The following PPP1R13B variants were observed in gnomAD, a reference collection of about 807,000 sequenced individuals.
The protein encoded by PPP1R13B is apoptosis-stimulating of p53 protein 1.
In PPP1R13B, 44 loss-of-function variants were observed where a neutral mutation model predicts 119.8. The ratio of observed to expected loss-of-function variants is 0.37; its 90% CI spans 0.29 to 0.47. The LOEUF (loss-of-function observed/expected upper bound fraction) is 0.47, where lower values mean the gene tolerates loss of function less well. Among genes scored for constraint, PPP1R13B ranks in the 20% least tolerant of loss-of-function variants. The pLI is 0.99. For synonymous variants in PPP1R13B, 542 were observed against 561.5 expected (o/e 0.97, Z 0.49); for missense variants, 1,227 against 1,413.5 (o/e 0.87, Z 2.12).
chr14:103,757,558 C>T lies in PPP1R13B; in HGVS notation c.456+92G>A, dbSNP rs2084707693. Reference sequence around the variant, plus strand: ...CTATGGCATGGTCCTATTTTATAAGCGTTACCCAAGAATATATTAACCCCA... The same window carrying T: ...CTATGGCATGGTCCTATTTTATAAGTGTTACCCAAGAATATATTAACCCCA... On this transcript the variant is annotated intron_variant, in intron 5 of 16. Coordinates refer to ENST00000202556, the MANE Select transcript of PPP1R13B (RefSeq NM_015316.3). The T allele has an allele frequency of 3.4e-6, 4 of 1,161,320 alleles. No homozygotes were observed. In the South Asian group the frequency reaches 4.1e-5, roughly 12 times the overall value. The allele number at this position is 1,161,320 out of a possible 1,614,324, so 71.9% of individuals were successfully genotyped here. A position where few individuals can be genotyped will look rare whatever the true frequency, so the allele number is the denominator to read the frequency against.
chr14:103,814,671 C>T (rs748003043), intron 1 of PPP1R13B, among the ~76,000 whole-genome samples: 3 of 152,070 alleles, frequency 2.0e-5, no homozygotes, highest in African/African-American at 4.8e-5. Flanking sequence ...GGCGGCGGGG[C>T]GCGGTGGCTC....
At chr14:103,806,365 G>A (rs2086018193) in intron 1 of PPP1R13B, among the ~76,000 whole-genome samples, 1 of 151,940 alleles carries the variant, frequency 6.6e-6, no homozygotes, top group Admixed American at 6.6e-5. Context: ...AGGAGCTCAG[G>A]GATAACAAAA....
intron 1 of PPP1R13B, among the ~76,000 whole-genome samples, chr14:103,815,638 C>T (rs1156910686): frequency 2.0e-5 from 3 of 151,972 alleles, no homozygotes; most frequent in South Asian, 4.1e-4. Flanking sequence ...GCCTGTAATC[C>T]CAGCTACTCA....
In PPP1R13B at chr14:103,847,430, G is replaced by A; in HGVS notation, c.-123C>T. On this transcript the variant is annotated 5_prime_UTR_variant, in exon 1 of 17. Coordinates refer to ENST00000202556, the MANE Select transcript of PPP1R13B (RefSeq NM_015316.3). ...CGCCGCCGTGCTCTCCGGCCCGGCC[G>A]CGGCGAGGCGGCAGCTGCGGCGGGC... 1 of 1,015,712 alleles carries A rather than the reference G, an allele frequency of 9.8e-7. No individual in the cohort carries two copies. The highest frequency in any genetic ancestry group is 1.2e-6 in the Non-Finnish European group (1 of 851,162). 62.9% of individuals were successfully genotyped at this position (1,015,712 alleles called of 1,614,324 possible).
chr14:103,780,485 C>CAAAAAA (rs34274916), intron 3 of PPP1R13B, among the ~76,000 whole-genome samples: 11 of 36,212 alleles, frequency 3.0e-4, no homozygotes, highest in African/African-American at 1.3e-3. Flanking sequence ...AACCCTGTCT[C>CAAAAAA]AAAAAAAAAA....
In PPP1R13B at chr14:103,816,424, C is replaced by T. The variant is rs139507726; in HGVS notation, c.10-18906G>A. ...GTTTCCGGCCAGGCACAGTGGCTCA[C>T]GCCTGTAATCCCAGCACTTTGGGAG... On this transcript the variant is annotated intron_variant, in intron 1 of 16. Coordinates refer to ENST00000202556, the MANE Select transcript of PPP1R13B (RefSeq NM_015316.3). Among the ~76,000 whole-genome samples the T allele has an allele frequency of 8.7e-4, 132 of 151,244 alleles. 3 individuals carry two copies. In the East Asian group the frequency reaches 0.021, roughly 24 times the overall value.
Position 103,775,518 on chromosome 14 carries a change from G to A in PPP1R13B, c.354+3227C>T, listed in dbSNP as rs543291262. Among the ~76,000 whole-genome samples, 7 of 152,208 alleles carry A rather than the reference G, an allele frequency of 4.6e-5. No homozygotes were observed. In the South Asian group the frequency reaches 8.3e-4, roughly 18 times the overall value. ...TAGAACTCCTGACCTCAGGTGATCC[G>A]CCTACCTTGGCCTCCCAAAGTGCTG... On this transcript the variant is annotated intron_variant, in intron 4 of 16. Transcript: ENST00000202556.
chr14:103,810,935 A>G (rs2086138487), intron 1 of PPP1R13B, among the ~76,000 whole-genome samples: 1 of 151,048 alleles, frequency 6.6e-6, no homozygotes, highest in African/African-American at 2.4e-5. Flanking sequence ...CTAAAAAAAA[A>G]AAAAAAATTA....
At chr14:103,799,785 C>A (rs1386556671) in intron 1 of PPP1R13B, among the ~76,000 whole-genome samples, 1 of 151,970 alleles carries the variant, frequency 6.6e-6, no homozygotes, top group South Asian at 2.1e-4. Context: ...TGGTGGCTCA[C>A]ATCTATAATC....
At chr14:103,792,833 G>T (rs530049418) in intron 2 of PPP1R13B, among the ~76,000 whole-genome samples, 83 of 152,180 alleles carry the variant, frequency 5.5e-4, no homozygotes, top group Non-Finnish European at 8.8e-4. Context: ...CACTTTGGGA[G>T]GCCGAGGCAG....
chr14:103,835,749 C>G (rs2152082025), intron 1 of PPP1R13B, among the ~76,000 whole-genome samples: 1 of 151,854 alleles, frequency 6.6e-6, no homozygotes, highest in South Asian at 2.1e-4. Flanking sequence ...GCTGGGATTA[C>G]AGGCGCCCGC....
intron 1 of PPP1R13B, among the ~76,000 whole-genome samples, chr14:103,841,315 C>T (rs899518251): frequency 6.6e-5 from 10 of 151,876 alleles, no homozygotes; most frequent in African/African-American, 1.2e-4. Context: ...AGGCTGGGCG[C>T]GGTGGCTCAA....
intron 1 of PPP1R13B, chr14:103,840,191 C>T (rs1176055342): frequency 6.6e-6 from 1 of 152,142 alleles, no homozygotes; most frequent in Non-Finnish European, 1.5e-5. Flanking sequence ...TCTGTTTAGC[C>T]CTAGAACCAC....
At chr14:103,739,055 AGGT>A in intron 12 of PPP1R13B, 32 bp from the exon 13 acceptor site, 1 of 1,597,422 alleles carries the variant, frequency 6.3e-7, no homozygotes, top group Non-Finnish European at 8.5e-7. Context: ...TTCCAGTTAA[AGGT>A]GGTCCACTGA....
chr14:103,797,457 G>A lies in PPP1R13B; in HGVS notation c.71C>T (p.Pro24Leu), dbSNP rs376467189. 6.2e-6 allele frequency: 10 copies of A among 1,613,550 alleles called. No individual in the cohort carries two copies. Among genetic ancestry groups the A allele is most frequent in the Middle Eastern group, 1.6e-4 (1 of 6,082 alleles). Reference sequence around the variant, plus strand: ...TACAACATCTCGACAGGTTGTTTCCGGTGTTATAGGAACTTCTGTTAAAAT... The same window carrying A: ...TACAACATCTCGACAGGTTGTTTCCAGTGTTATAGGAACTTCTGTTAAAAT... ...EQILTEVPIT[P>L]ETTCRDVVEF... Residue 24 changes from proline (P) to leucine (L), a missense_variant, in exon 2 of 17, where the codon CCG becomes CTG. Coordinates refer to ENST00000202556, the MANE Select transcript of PPP1R13B (RefSeq NM_015316.3).
In PPP1R13B at chr14:103,734,252, G is replaced by T; in HGVS notation, c.*902C>A. 1 of 288,802 alleles carries T rather than the reference G, an allele frequency of 3.5e-6. No homozygotes were observed. The highest frequency in any genetic ancestry group is 7.0e-6 in the Non-Finnish European group (1 of 142,890). 17.9% of individuals were successfully genotyped at this position (288,802 alleles called of 1,614,324 possible). ...GTGGCGGCCCCTCCTGACACCAGGCGTCTGCCATCCTTCAGGCACCAAACA... is the reference window on the plus strand; with the variant it reads ...GTGGCGGCCCCTCCTGACACCAGGCTTCTGCCATCCTTCAGGCACCAAACA... On this transcript the variant is annotated 3_prime_UTR_variant, in exon 17 of 17. Transcript: ENST00000202556.
At chr14:103,780,365 C>T (rs1470378083) in intron 3 of PPP1R13B, among the ~76,000 whole-genome samples, 1 of 150,248 alleles carries the variant, frequency 6.7e-6, no homozygotes, top group East Asian at 2.0e-4. Context: ...CACACGCCTG[C>T]GGTCCCAGCT....
At chr14:103,811,650 T>C (rs1474436762) in intron 1 of PPP1R13B, among the ~76,000 whole-genome samples, 1 of 152,112 alleles carries the variant, frequency 6.6e-6, no homozygotes, top group Non-Finnish European at 1.5e-5. Flanking sequence ...ACTGTGCCAC[T>C]GCACTCCAGC....
chr14:103,777,156 C>T (rs2085221871), intron 4 of PPP1R13B, among the ~76,000 whole-genome samples: 1 of 151,818 alleles, frequency 6.6e-6, no homozygotes, highest in Admixed American at 6.6e-5. Context: ...CCACGACCAG[C>T]TAATTTTTGT....
Sources: gnomAD v4.1 joint callset for allele counts (sites outside exome capture counted in the v4.1 genomes callset) on GRCh38, gnomAD v4.1.1 for gene constraint, MANE v1.5 for transcripts, NCBI Gene and HGNC (gene_info 2026-07-23, HGNC 2026-07-21) for gene names.